Variants in SLA observed in about 807,000 individuals in gnomAD.
The protein encoded by SLA is Src like adaptor.
Under a neutral mutation model 30.3 loss-of-function variants are expected in SLA, and 16 were observed. That is an observed-to-expected ratio of 0.53 (90% CI 0.36 to 0.80). SLA has a LOEUF of 0.80. Ranked by LOEUF, SLA falls within the 30% of genes least tolerant of loss-of-function variation. The probability of loss-of-function intolerance (pLI) is 0.01; values close to 1 mark genes in which losing one functional copy is unlikely to be tolerated. For synonymous variants in SLA, 143 were observed against 137.8 expected (o/e 1.04, Z -0.26); for missense variants, 310 against 345.2 (o/e 0.90, Z 0.81).
rs200756014 is a variant in SLA at position 133,049,991 on chromosome 8, G to T, written c.162-3C>A. 2.0e-5 allele frequency: 32 copies of T among 1,601,252 alleles called. No individual in the cohort carries two copies. The highest frequency in any genetic ancestry group is 2.7e-5 in the Non-Finnish European group (32 of 1,168,366). On this transcript the variant is annotated splice_region_variant and splice_polypyrimidine_tract_variant and intron_variant, in intron 4 of 8. Coordinates refer to ENST00000338087, the MANE Select transcript of SLA (RefSeq NM_001045556.3). ...TAGCTTTCCACCAGCCCCCTTCACT[G>T]TAAGAACAAGAACAGAGAAGAACAC...
intron 7 of SLA, among the ~76,000 whole-genome samples, chr8:133,042,028 C>G (rs1252592696): frequency 6.6e-6 from 1 of 151,854 alleles, no homozygotes; most frequent in Non-Finnish European, 1.5e-5. Flanking sequence ...ACCTCATGAT[C>G]CACCCACCTC....
rs150326755 is a variant in SLA at position 133,093,104 on chromosome 8, A to AGTGT, written c.-319+9445_-319+9448dup. 5.4e-3 allele frequency among the ~76,000 whole-genome samples: 783 copies of AGTGT among 144,644 alleles called. 43 individuals carry two copies. Among genetic ancestry groups the AGTGT allele is most frequent in the Admixed American group, 0.047 (705 of 14,868 alleles). The allele number at this position is 144,644 out of a possible 152,430, so 94.9% of individuals were successfully genotyped here. ...CGGAGTTTTGAGCTTGAATATTTTG[A>AGTGT]GTGTGTGTGTGTGTGTTTTCTTTTC... is the stretch of plus-strand genomic sequence containing the variant. On this transcript the variant is annotated intron_variant, in intron 1 of 8. Transcript: ENST00000338087.
intron 1 of SLA, chr8:133,095,125 A>T (rs1226444585): frequency 6.2e-7 from 1 of 1,614,142 alleles, no homozygotes; most frequent in Non-Finnish European, 8.5e-7. Context: ...AAAGGAGGTC[A>T]GTTGCCCCAT....
intron 2 of SLA, among the ~76,000 whole-genome samples, chr8:133,060,994 G>C (rs918238871): frequency 6.6e-6 from 1 of 151,198 alleles, no homozygotes; most frequent in South Asian, 2.1e-4. Flanking sequence ...AGATGACTTC[G>C]GGCAAGTCAT....
At chr8:133,056,459 A>T (rs1341701289) in intron 3 of SLA, among the ~76,000 whole-genome samples, 1 of 152,158 alleles carries the variant, frequency 6.6e-6, no homozygotes, top group East Asian at 1.9e-4. Context: ...TTCATTCGAG[A>T]CGAGCCCATC....
At chr8:133,060,591 A>G (rs1842226426) in intron 2 of SLA, among the ~76,000 whole-genome samples, 1 of 152,176 alleles carries the variant, frequency 6.6e-6, no homozygotes, top group Admixed American at 6.5e-5. Context: ...AGGAATTTGG[A>G]GTACAGGAGT....
intron 3 of SLA, among the ~76,000 whole-genome samples, chr8:133,053,644 C>A (rs977554395): frequency 6.6e-6 from 1 of 152,136 alleles, no homozygotes; most frequent in Non-Finnish European, 1.5e-5. Flanking sequence ...GGTTTGATAT[C>A]AAATTCAAGA....
chr8:133,045,071 G>T lies in SLA; in HGVS notation c.397C>A (p.Arg133Ser). Residue 133 changes from arginine (R) to serine (S), a missense_variant, in exon 7 of 9, where the codon CGC becomes AGC. Physicochemically the swap from Arg to Ser is moderately radical, Grantham distance 110 (BLOSUM62 -1). Transcript: ENST00000338087. ...CAGTTGTTGGGCAGACGGAAAATGC[G>T]GTAATGCTTTACCTGCCTGTGTCTC... ...SVRHRQVKHYRIFRLPNNWYY... is the reference protein window; with the variant it reads ...SVRHRQVKHYSIFRLPNNWYY... 1 of 1,614,138 alleles carries T rather than the reference G, an allele frequency of 6.2e-7. No individual in the cohort carries two copies. The highest frequency in any genetic ancestry group is 1.1e-5 in the South Asian group (1 of 91,084).
chr8:133,050,967 G>C, intron 3 of SLA, 52 bp from the exon 4 acceptor site: 1 of 1,006,678 alleles, frequency 9.9e-7, no homozygotes, highest in Non-Finnish European at 1.6e-6. Context: ...TTATTCACAA[G>C]GAGCTTAAAG....
At chr8:133,062,738 G>T (rs2248578) in intron 2 of SLA, among the ~76,000 whole-genome samples, 3 of 151,668 alleles carry the variant, frequency 2.0e-5, no homozygotes, top group African/African-American at 7.3e-5. Flanking sequence ...AGGAAGCATG[G>T]GTGTGACATG....
intron 1 of SLA, among the ~76,000 whole-genome samples, chr8:133,080,279 C>T (rs955711441): frequency 1.3e-5 from 2 of 152,128 alleles, no homozygotes; most frequent in African/African-American, 4.8e-5. Context: ...TTGGCCTTTG[C>T]GTATGTTACG....
At chr8:133,098,049 C>G (rs1348475202) in intron 1 of SLA, among the ~76,000 whole-genome samples, 1 of 152,110 alleles carries the variant, frequency 6.6e-6, no homozygotes, top group South Asian at 2.1e-4. Flanking sequence ...ACCTTTTGTA[C>G]CTGATCCATT....
chr8:133,094,966 T>A, intron 1 of SLA: 7 of 1,596,488 alleles, frequency 4.4e-6, no homozygotes, highest in Admixed American at 1.7e-5. Flanking sequence ...AGAACCCTGA[T>A]GTGGCACTGA....
chr8:133,047,731 A>T, intron 6 of SLA, 99 bp downstream of exon 6: 1 of 772,744 alleles, frequency 1.3e-6, no homozygotes, highest in Non-Finnish European at 2.4e-6. Flanking sequence ...ATTTGCATGG[A>T]CGTAGGAGGA....
intron 1 of SLA, among the ~76,000 whole-genome samples, chr8:133,078,354 G>C (rs921066860): frequency 2.6e-5 from 4 of 152,248 alleles, no homozygotes; most frequent in African/African-American, 9.6e-5. Flanking sequence ...GGAAGAGCAG[G>C]AGGTGGACTT....
chr8:133,070,114 T>A (rs1428603679), intron 2 of SLA, among the ~76,000 whole-genome samples: 1 of 151,908 alleles, frequency 6.6e-6, no homozygotes, highest in Non-Finnish European at 1.5e-5. Context: ...GGTGTGCTAG[T>A]AAATGTCAAA....
chr8:133,098,306 A>G (rs1399627800), intron 1 of SLA, among the ~76,000 whole-genome samples: 1 of 152,234 alleles, frequency 6.6e-6, no homozygotes, highest in Non-Finnish European at 1.5e-5. Flanking sequence ...CTCTTGTACT[A>G]ATACCCTGAA....
At chr8:133,068,164 A>G (rs1249572111) in intron 2 of SLA, among the ~76,000 whole-genome samples, 2 of 152,214 alleles carry the variant, frequency 1.3e-5, no homozygotes, top group Non-Finnish European at 2.9e-5. Context: ...GAGGGCAAGC[A>G]ATCTGCTCAA....
At chr8:133,088,131 T>C (rs182382779) in intron 1 of SLA, among the ~76,000 whole-genome samples, 12 of 152,320 alleles carry the variant, frequency 7.9e-5, no homozygotes, top group Middle Eastern at 3.4e-3. Context: ...GTTGTACATG[T>C]GAATCAAAGC....
Sources: allele counts gnomAD v4.1 joint callset (sites outside exome capture counted in the v4.1 genomes callset), GRCh38; gene constraint gnomAD v4.1.1; transcripts MANE v1.5; gene names NCBI Gene and HGNC (gene_info 2026-07-23, HGNC 2026-07-21).